ARPC1B: variants seen among roughly 807,000 people sequenced by gnomAD.
ARPC1B encodes actin-related protein 2/3 complex subunit 1B.
In ARPC1B, 29 loss-of-function variants were observed where a neutral mutation model predicts 46.0. The observed-to-expected ratio is 0.63, with a 90% CI of 0.47 to 0.86. The LOEUF (loss-of-function observed/expected upper bound fraction) is 0.86, where lower values mean the gene tolerates loss of function less well. Among genes scored for constraint, ARPC1B ranks in the 40% least tolerant of loss-of-function variants. ARPC1B has a pLI of 0.00. For synonymous variants in ARPC1B, 201 were observed against 213.9 expected, an observed-to-expected ratio of 0.94 and a Z score of 0.53; for missense variants, 469 against 529.4, an observed-to-expected ratio of 0.89 and a Z score of 1.12.
At chr7:99,385,650 C>T in intron 1 of ARPC1B, 52 bp from the exon 2 acceptor site, 4 of 1,517,060 alleles carry the variant, frequency 2.6e-6, no homozygotes, top group Non-Finnish European at 9.0e-7. Flanking sequence ...TGGGTGAAGT[C>T]AGGGGCAAGG....
Position 99,394,445 on chromosome 7 carries a change from C to T in ARPC1B, c.1081-6C>T, listed in dbSNP as rs1037255893. On this transcript the variant is annotated splice_region_variant and splice_polypyrimidine_tract_variant and intron_variant, in intron 9 of 9. Coordinates refer to ENST00000646101, the MANE Select transcript of ARPC1B (RefSeq NM_005720.4). ...GAACCAGCCTGTCCGTTCTGCCTCC[C>T]TGCAGAGCTTGGAGTCAGCCTTGAA... 6.2e-7 allele frequency: 1 copy of T among 1,612,722 alleles called. No individual in the cohort carries two copies.
At chr7:99,378,451 C>T (rs572700008) in intron 1 of ARPC1B, among the ~76,000 whole-genome samples, 6 of 151,418 alleles carry the variant, frequency 4.0e-5, no homozygotes, top group African/African-American at 7.2e-5. Flanking sequence ...GAGGCCGAGG[C>T]GGGTGGATCA....
At chr7:99,387,837 C>G (rs760033384) in intron 3 of ARPC1B, among the ~76,000 whole-genome samples, 84 of 149,514 alleles carry the variant, frequency 5.6e-4, no homozygotes, top group Admixed American at 9.3e-4. Context: ...GAGGCAGAGG[C>G]TGCAGTGAGC....
At chr7:99,394,423 C>G (rs1398217697) in intron 9 of ARPC1B, 28 bp from the exon 10 acceptor site, 14 of 1,597,256 alleles carry the variant, frequency 8.8e-6, no homozygotes, top group Admixed American at 1.7e-5. Flanking sequence ...CAGCTGAGAA[C>G]CAGCCTGTCC....
intron 1 of ARPC1B, among the ~76,000 whole-genome samples, chr7:99,382,267 G>C (rs548000574): frequency 6.6e-6 from 1 of 152,122 alleles, no homozygotes; most frequent in East Asian, 1.9e-4. Context: ...GTGAAACCCT[G>C]TCTCTACTAA....
At chr7:99,380,003 G>A (rs1377807473) in intron 1 of ARPC1B, among the ~76,000 whole-genome samples, 4 of 152,288 alleles carry the variant, frequency 2.6e-5, no homozygotes, top group African/African-American at 9.6e-5. Context: ...GGCTCACAGG[G>A]CCACAGTGAT....
At chr7:99,387,174 G>T (rs781071541) in intron 3 of ARPC1B, among the ~76,000 whole-genome samples, 1 of 152,232 alleles carries the variant, frequency 6.6e-6, no homozygotes, top group Non-Finnish European at 1.5e-5. Flanking sequence ...GGGTGCAGTG[G>T]CTCATGCCTG....
At chr7:99,382,304 C>T (rs892057337) in intron 1 of ARPC1B, among the ~76,000 whole-genome samples, 6 of 150,928 alleles carry the variant, frequency 4.0e-5, no homozygotes, top group Admixed American at 6.6e-5. Context: ...CATGGTGGTG[C>T]GCACCTGTAA....
At chr7:99,383,166 A>G (rs1794280589) in intron 1 of ARPC1B, among the ~76,000 whole-genome samples, 1 of 152,070 alleles carries the variant, frequency 6.6e-6, no homozygotes, top group African/African-American at 2.4e-5. Context: ...CTATGTAATG[A>G]TAATATTTTT....
At chr7:99,380,227 C>A (rs938844045) in intron 1 of ARPC1B, among the ~76,000 whole-genome samples, 3 of 152,178 alleles carry the variant, frequency 2.0e-5, no homozygotes, top group Non-Finnish European at 4.4e-5. Flanking sequence ...CGGCTAGAAT[C>A]CCTGAGGCAG....
At chr7:99,387,934 G>T in intron 3 of ARPC1B, 105 bp from the exon 4 acceptor site, 1 of 744,550 alleles carries the variant, frequency 1.3e-6, no homozygotes, top group Non-Finnish European at 2.3e-6. Flanking sequence ...GGCAGATACA[G>T]CTTCCACCTG....
intron 1 of ARPC1B, among the ~76,000 whole-genome samples, chr7:99,382,475 G>C (rs1486451528): frequency 6.6e-6 from 1 of 151,566 alleles, no homozygotes; most frequent in Non-Finnish European, 1.5e-5. Flanking sequence ...GTGCTGGATG[G>C]TACTAGTTAA....
intron 5 of ARPC1B, among the ~76,000 whole-genome samples, 190 bp from the exon 6 acceptor site, chr7:99,390,703 T>TG (rs1491104478): frequency 1.5e-5 from 2 of 134,570 alleles, no homozygotes; most frequent in Admixed American, 1.5e-4. Context: ...TTAAAAAAAA[T>TG]TTTTTTTTTT....
chr7:99,385,806 G>A (rs770665195), intron 2 of ARPC1B, 28 bp downstream of exon 2: 1 of 1,595,466 alleles, frequency 6.3e-7, no homozygotes, highest in Non-Finnish European at 8.5e-7. Context: ...GCCGGTGGGT[G>A]GCTGCTTCCA....
At chr7:99,387,023 CT>C (rs1369432833) in intron 3 of ARPC1B, among the ~76,000 whole-genome samples, 2 of 152,258 alleles carry the variant, frequency 1.3e-5, no homozygotes, top group Non-Finnish European at 2.9e-5. Flanking sequence ...AAGAACCCAT[CT>C]TTTCTGCCTC....
rs1208685943 is a variant in ARPC1B at position 99,392,742 on chromosome 7, G to C, written c.855G>C (p.Leu285=). ...GGATGCTGAGCTTCGGCGGGCGGCT[G>C]GACGTTCCTAAGCAGAGCTCGCAGC... The part of the protein sequence containing the change: ...AAGMLSFGGR[L]DVPKQSSQRG... The change falls in exon 8 of 10, where the codon CTG becomes CTC. Residue 285 remains leucine, a synonymous_variant. Transcript: ENST00000646101. 6.5e-7 allele frequency: 1 copy of C among 1,548,810 alleles called. No homozygotes were observed. The highest frequency in any genetic ancestry group is 8.7e-7 in the Non-Finnish European group (1 of 1,145,916).
chr7:99,375,520 G>A (rs1297755766), intron 1 of ARPC1B, among the ~76,000 whole-genome samples: 4 of 152,146 alleles, frequency 2.6e-5, no homozygotes, highest in Non-Finnish European at 5.9e-5. Context: ...GGCCGCCTAG[G>A]GCGGGGCGGG....
At chr7:99,392,962 C>T in intron 8 of ARPC1B, 86 bp downstream of exon 8, 1 of 1,332,162 alleles carries the variant, frequency 7.5e-7, no homozygotes, top group East Asian at 2.6e-5. Context: ...CTGGAGTCTT[C>T]CTCCTGGGGC....
chr7:99,393,379 G>A (rs1216447013), intron 8 of ARPC1B, among the ~76,000 whole-genome samples: 1 of 152,122 alleles, frequency 6.6e-6, no homozygotes, highest in Non-Finnish European at 1.5e-5. Context: ...ACTTAGGTGG[G>A]GACTGTCGTA....
Sources: gnomAD v4.1 joint callset for allele counts (sites outside exome capture counted in the v4.1 genomes callset) on GRCh38, gnomAD v4.1.1 for gene constraint, MANE v1.5 for transcripts, NCBI Gene and HGNC (gene_info 2026-07-23, HGNC 2026-07-21) for gene names.